The following ATG4A variants were observed in gnomAD, a reference collection of about 807,000 sequenced individuals.
The protein encoded by ATG4A is cysteine protease ATG4A.
In ATG4A, 22 loss-of-function variants were observed where a neutral mutation model predicts 38.4. That is an observed-to-expected ratio of 0.57 (90% CI 0.41 to 0.82). ATG4A has a LOEUF of 0.82. Among genes scored for constraint, ATG4A ranks in the 40% least tolerant of loss-of-function variants. The pLI is 0.00. For missense variants in ATG4A, 220 were observed against 290.0 expected, an observed-to-expected ratio of 0.76 and a Z score of 1.75; for synonymous variants, 86 against 100.7, an observed-to-expected ratio of 0.85 and a Z score of 0.88.
intron 1 of ATG4A, among the ~76,000 whole-genome samples, chrX:108,092,724 T>C (rs933545822): frequency 8.9e-6 from 1 of 112,373 alleles, no homozygotes; most frequent in Non-Finnish European, 1.9e-5. Flanking sequence ...TGAGTACTTT[T>C]TTTGTAATAC....
At chrX:108,125,668 C>T (rs992397586) in intron 1 of ATG4A, among the ~76,000 whole-genome samples, 2 of 112,010 alleles carry the variant, frequency 1.8e-5, no homozygotes, top group African/African-American at 6.5e-5. Context: ...CACTAGAAAC[C>T]TCACAATACA....
chrX:108,143,337 G>GT (rs989359735), intron 9 of ATG4A, among the ~76,000 whole-genome samples: 80 of 111,156 alleles, frequency 7.2e-4, no homozygotes, highest in African/African-American at 2.2e-3. Context: ...AGCAGGTCAT[G>GT]TTTTTTTTCC....
rs751237723 is a variant in ATG4A, at chrX:108,134,311, A to C, written c.395-28A>C. The C allele has an allele frequency of 2.2e-4, 262 of 1,193,009 alleles. 3 individuals carry two copies. The South Asian group carries it at 4.5e-3, about 20-fold the overall frequency. On this transcript the variant is annotated intron_variant, in intron 5 of 12. Coordinates refer to ENST00000372232, the MANE Select transcript of ATG4A (RefSeq NM_052936.5). ...GCTTATTGGAAGATCTTTTGCTAACATGTTATTTTTTTCCACATTAAAAAC... is the reference window on the plus strand; with the variant it reads ...GCTTATTGGAAGATCTTTTGCTAACCTGTTATTTTTTTCCACATTAAAAAC...
In ATG4A at chrX:108,091,849, G is replaced by A; in HGVS notation, c.10+13G>A. 1 of 1,211,514 alleles carries A rather than the reference G, an allele frequency of 8.3e-7. No individual in the cohort carries two copies. The highest frequency in any genetic ancestry group is 1.1e-6 in the Non-Finnish European group (1 of 895,368). ...AGAATGGAGTCAGGTACGGGGAGCG[G>A]CTTTGAGTGGAACCGTGTGAAAGAG... On this transcript the variant is annotated intron_variant, in intron 1 of 12. Transcript: ENST00000372232.
chrX:108,152,892 C>A, intron 11 of ATG4A, 87 bp from the exon 12 acceptor site: 2 of 668,671 alleles, frequency 3.0e-6, no homozygotes, highest in Non-Finnish European at 4.8e-6. Flanking sequence ...AACCAGCAGA[C>A]CACTGTCTCA....
chrX:108,109,726 A>T (rs912903224), intron 1 of ATG4A, among the ~76,000 whole-genome samples: 7 of 112,131 alleles, frequency 6.2e-5, no homozygotes, highest in Non-Finnish European at 1.3e-4. Flanking sequence ...CATTTGTTAA[A>T]GAGATTGTTC....
Position 108,095,098 on chromosome X carries a change from C to G in ATG4A, c.10+3262C>G, listed in dbSNP as rs978455651. On this transcript the variant is annotated intron_variant, in intron 1 of 12. Transcript: ENST00000372232. ...GCCTCCTGAGGCGCATGCCACCACG[C>G]CTGGCTAAGTTTTGTATTTTTAGTA... is the stretch of plus-strand genomic sequence containing the variant. Among the ~76,000 whole-genome samples the G allele has an allele frequency of 2.7e-5, 3 of 111,879 alleles. No individual in the cohort carries two copies. The East Asian group carries it at 8.4e-4, about 31-fold the overall frequency.
At chrX:108,125,054 A>G (rs946852660) in intron 1 of ATG4A, among the ~76,000 whole-genome samples, 2 of 112,204 alleles carry the variant, frequency 1.8e-5, no homozygotes, top group Non-Finnish European at 3.8e-5. Flanking sequence ...TGTGAAATAA[A>G]CTATCAATTT....
intron 1 of ATG4A, among the ~76,000 whole-genome samples, chrX:108,109,358 A>G (rs1463361872): frequency 2.7e-5 from 3 of 111,592 alleles, no homozygotes; most frequent in Non-Finnish European, 3.8e-5. Context: ...GTTGTTCTTT[A>G]TATATTCTGG....
At chrX:108,089,104 G>A (rs2031533924), upstream of ATG4A, among the ~76,000 whole-genome samples, 1 of 112,332 alleles carries the variant, frequency 8.9e-6, no homozygotes, top group African/African-American at 3.2e-5. Flanking sequence ...GCAAGAAACT[G>A]ATTTCAATGC....
intron 1 of ATG4A, among the ~76,000 whole-genome samples, chrX:108,119,983 G>A (rs1001510985): frequency 6.3e-5 from 7 of 111,714 alleles, no homozygotes; most frequent in Non-Finnish European, 1.1e-4. Context: ...GCTTGGCAGC[G>A]GCACTAATGT....
intron 9 of ATG4A, among the ~76,000 whole-genome samples, chrX:108,144,876 A>C (rs1311647052): frequency 8.9e-6 from 1 of 112,191 alleles, no homozygotes; most frequent in African/African-American, 3.2e-5. Context: ...CCTTCCATGC[A>C]AAGTGCACAA....
At chrX:108,128,467 C>G (rs1186555178) in intron 2 of ATG4A, among the ~76,000 whole-genome samples, 2 of 111,392 alleles carry the variant, frequency 1.8e-5, no homozygotes, top group East Asian at 5.6e-4. Context: ...TCTCTAGGAT[C>G]CTTAATTTTC....
intron 1 of ATG4A, among the ~76,000 whole-genome samples, chrX:108,118,395 G>T (rs919201899): frequency 2.7e-5 from 3 of 111,082 alleles, no homozygotes; most frequent in African/African-American, 6.6e-5. Context: ...TATTAACTGG[G>T]TTTGAATCTT....
At chrX:108,140,988 GTA>G (rs1491113391) in intron 9 of ATG4A, among the ~76,000 whole-genome samples, 24 of 59,985 alleles carry the variant, frequency 4.0e-4, no homozygotes, top group African/African-American at 1.6e-3. Context: ...ATATATATAC[GTA>G]TATATATACA....
chrX:108,093,818 A>G (rs186261752), intron 1 of ATG4A, among the ~76,000 whole-genome samples: 1 of 112,104 alleles, frequency 8.9e-6, no homozygotes, highest in Non-Finnish European at 1.9e-5. Flanking sequence ...ATAATTTATA[A>G]TACGGTGAGC....
At chrX:108,138,769 G>A (rs971985386) in intron 9 of ATG4A, among the ~76,000 whole-genome samples, 1 of 112,064 alleles carries the variant, frequency 8.9e-6, no homozygotes, top group Non-Finnish European at 1.9e-5. Flanking sequence ...TGAGGTCCTT[G>A]GTACACAAGG....
intron 1 of ATG4A, among the ~76,000 whole-genome samples, chrX:108,095,702 CT>C (rs1442299261): frequency 1.0e-5 from 1 of 95,615 alleles, no homozygotes; most frequent in Non-Finnish European, 2.1e-5. Context: ...TTCTTATTTT[CT>C]TTTCTTTCTT....
At chrX:108,130,505 A>G in intron 3 of ATG4A, among the ~76,000 whole-genome samples, 1 of 112,333 alleles carries the variant, frequency 8.9e-6, no homozygotes, top group Middle Eastern at 4.6e-3. Flanking sequence ...ATACATTTCT[A>G]ATTTATTAAT....
Sources: allele counts gnomAD v4.1 joint callset (sites outside exome capture counted in the v4.1 genomes callset), GRCh38; gene constraint gnomAD v4.1.1; transcripts MANE v1.5; gene names NCBI Gene and HGNC (gene_info 2026-07-23, HGNC 2026-07-21).